ABCB11: variants seen among roughly 807,000 people sequenced by gnomAD.
ABCB11 encodes bile salt export pump.
A neutral mutation model predicts 148.0 loss-of-function variants in ABCB11; 95 were observed. The observed-to-expected ratio is 0.64, with a 90% CI of 0.54 to 0.76. ABCB11 has a LOEUF of 0.76. Ranked by LOEUF, ABCB11 falls within the 30% of genes least tolerant of loss-of-function variation. The probability of loss-of-function intolerance (pLI) is 0.00; values close to 1 mark genes in which losing one functional copy is unlikely to be tolerated. For missense variants in ABCB11, 1,523 were observed against 1,617.8 expected, an observed-to-expected ratio of 0.94 and a Z score of 1.01; for synonymous variants, 591 against 555.4, an observed-to-expected ratio of 1.06 and a Z score of -0.90.
At chr2:168,926,359 T>C (rs569829) in intron 26 of ABCB11, among the ~76,000 whole-genome samples, 116,556 of 152,166 alleles carry the variant, frequency 0.77, 45,955 homozygotes, top group East Asian at 0.98. Flanking sequence ...GTAATACCAG[T>C]GGCCGCTTTC....
chr2:168,954,571 G>A (rs942165132), intron 19 of ABCB11, among the ~76,000 whole-genome samples: 1 of 151,302 alleles, frequency 6.6e-6, no homozygotes, highest in African/African-American at 2.4e-5. Context: ...TGGCCTGTAA[G>A]GTTTCTGCTG....
intron 9 of ABCB11, among the ~76,000 whole-genome samples, chr2:168,986,587 G>A (rs561162940): frequency 6.6e-6 from 1 of 152,202 alleles, no homozygotes; most frequent in South Asian, 2.1e-4. Context: ...ATGAACAAGA[G>A]AGATCTAGTA....
At chr2:168,924,469 AT>A (rs559075246) in intron 27 of ABCB11, among the ~76,000 whole-genome samples, 187 bp downstream of exon 27, 25 of 152,090 alleles carry the variant, frequency 1.6e-4, no homozygotes, top group African/African-American at 2.4e-4. Flanking sequence ...AAGGTAAAAT[AT>A]TTTTTTTGAA....
chr2:169,021,502 C>T (rs1329829766), intron 1 of ABCB11, among the ~76,000 whole-genome samples: 1 of 152,060 alleles, frequency 6.6e-6, no homozygotes, highest in Non-Finnish European at 1.5e-5. Flanking sequence ...ACCCAGCAAC[C>T]TAACACAACA....
chr2:168,940,077 A>G (rs1222965735), intron 21 of ABCB11, among the ~76,000 whole-genome samples: 2 of 152,072 alleles, frequency 1.3e-5, no homozygotes, highest in Non-Finnish European at 2.9e-5. Flanking sequence ...AGACACAATA[A>G]TATTGAAATT....
intron 5 of ABCB11, among the ~76,000 whole-genome samples, chr2:168,999,117 A>G (rs1271473199): frequency 1.3e-5 from 2 of 152,070 alleles, no homozygotes; most frequent in African/African-American, 4.8e-5. Context: ...ACAGACCTGA[A>G]TCTACTTGAA....
intron 8 of ABCB11, 114 bp from the exon 9 acceptor site, chr2:168,991,039 A>C: frequency 1.4e-5 from 17 of 1,238,646 alleles, no homozygotes; most frequent in Non-Finnish European, 1.7e-5. Context: ...TTAGATTCTC[A>C]CTGTAACATC....
chr2:168,932,461 T>C lies in ABCB11; in HGVS notation c.3129A>G (p.Lys1043=), dbSNP rs773662901. The part of the protein sequence containing the change: ...RAFSYTPSYA[K]AKISAARFFQ... The stretch of plus-strand genomic sequence containing the variant: ...AAAAGCGTGCAGCTGATATTTTAGC[T>C]TTTGCATAACTTGGGGTGTAAGAGA... The change falls in exon 24 of 28, where the codon AAA becomes AAG. Residue 1043 remains lysine (K), a synonymous_variant. Transcript: ENST00000650372. The C allele has an allele frequency of 1.9e-6, 3 of 1,613,102 alleles. No individual in the cohort carries two copies. Among genetic ancestry groups the C allele is most frequent in the Non-Finnish European group, 2.5e-6 (3 of 1,179,556 alleles).
intron 21 of ABCB11, among the ~76,000 whole-genome samples, chr2:168,943,467 T>C (rs933343463): frequency 6.6e-6 from 1 of 151,988 alleles, no homozygotes; most frequent in Non-Finnish European, 1.5e-5. Context: ...CTTTAAGACA[T>C]GACAGTAGAT....
intron 5 of ABCB11, among the ~76,000 whole-genome samples, chr2:169,005,504 C>T (rs527288025): frequency 1.3e-5 from 2 of 152,202 alleles, no homozygotes; most frequent in South Asian, 2.1e-4. Context: ...AGGCCTTAAC[C>T]TGCTCCCACT....
At position 168,935,246 on chromosome 2, in the gene ABCB11, A is replaced by G. The variant is rs1216064951; in HGVS notation, c.2994T>C (p.Ala998=). 3 of 1,613,914 alleles carry G rather than the reference A, an allele frequency of 1.9e-6. No individual in the cohort carries two copies. In the African/African-American group the frequency reaches 4.0e-5, roughly 22 times the overall value. ...TTAAGTAACCTCCATATCTGTAGGAAGCAGAATTCGCAATAAACATGATGC... is the reference window on the plus strand; with the variant it reads ...TTAAGTAACCTCCATATCTGTAGGAGGCAGAATTCGCAATAAACATGATGC... The part of the protein sequence containing the change: ...AQCIMFIANS[A]SYRYGGYLIS... Residue 998 remains alanine (A), a synonymous_variant, in exon 23 of 28, where the codon GCT becomes GCC. Transcript: ENST00000650372.
At chr2:168,980,242 A>G (rs1386223055) in intron 10 of ABCB11, among the ~76,000 whole-genome samples, 1 of 152,202 alleles carries the variant, frequency 6.6e-6, no homozygotes, top group East Asian at 1.9e-4. Flanking sequence ...AACTGTCTTG[A>G]AATGAGTAAG....
intron 6 of ABCB11, 131 bp from the exon 7 acceptor site, chr2:168,995,613 T>C: frequency 1.0e-6 from 1 of 970,778 alleles, no homozygotes; most frequent in Non-Finnish European, 1.5e-6. Flanking sequence ...TGCCTCTTCT[T>C]GGGAACTAAG....
At chr2:168,959,197 G>C (rs996039770) in intron 18 of ABCB11, among the ~76,000 whole-genome samples, 5 of 151,716 alleles carry the variant, frequency 3.3e-5, no homozygotes, top group Non-Finnish European at 4.4e-5. Context: ...CAAATAAAAT[G>C]AGGGAAGGCA....
intron 18 of ABCB11, 122 bp downstream of exon 18, chr2:168,964,084 G>C: frequency 1.6e-6 from 1 of 633,096 alleles, no homozygotes; most frequent in African/African-American, 1.8e-5. Context: ...CTGTCTTTTA[G>C]TCTGACTTGA....
chr2:169,011,394 G>C (rs1695183477), intron 5 of ABCB11, among the ~76,000 whole-genome samples: 1 of 152,056 alleles, frequency 6.6e-6, no homozygotes, highest in Non-Finnish European at 1.5e-5. Context: ...ATAAATGAAG[G>C]ATTTCAAAGA....
Position 168,979,889 on chromosome 2 carries a change from T to C in ABCB11, c.1174A>G (p.Ser392Gly). The C allele has an allele frequency of 6.3e-7, 1 of 1,599,030 alleles. No homozygotes were observed. Among genetic ancestry groups the C allele is most frequent in the South Asian group, 1.1e-5 (1 of 90,812 alleles). ...AFATGRAAAT[S>G]IFETIDRKPI... ...ACCCTGTCTATTGTCTCAAAAATGC[T>C]GGTGGCTGCTGCACGTCCAGTTGCA... The change falls in exon 11 of 28, where the codon AGC (serine) becomes GGC (glycine). Residue 392 changes from serine to glycine, a missense_variant. Coordinates refer to ENST00000650372, the MANE Select transcript of ABCB11 (RefSeq NM_003742.4).
chr2:168,966,548 A>G (rs1041872008), intron 17 of ABCB11, among the ~76,000 whole-genome samples: 18 of 151,814 alleles, frequency 1.2e-4, no homozygotes, highest in African/African-American at 3.9e-4. Context: ...GCTGTGTACC[A>G]CTTCTCACTG....
rs755926742 is a variant in ABCB11 at position 169,013,526 on chromosome 2, G to A, written c.151-16C>T. Reference sequence around the variant, plus strand: ...AAAACCGAAACTTGAAAAACAAAGGGTTCAGAGATCATCTATGGGTGAAGA... The same window carrying A: ...AAAACCGAAACTTGAAAAACAAAGGATTCAGAGATCATCTATGGGTGAAGA... On this transcript the variant is annotated splice_polypyrimidine_tract_variant and intron_variant, in intron 4 of 27. Coordinates refer to ENST00000650372, the MANE Select transcript of ABCB11 (RefSeq NM_003742.4). 5.0e-5 allele frequency: 80 copies of A among 1,601,620 alleles called. No individual in the cohort carries two copies. The highest frequency in any genetic ancestry group is 6.8e-5 in the Non-Finnish European group (79 of 1,169,908).
Sources: allele counts gnomAD v4.1 joint callset (sites outside exome capture counted in the v4.1 genomes callset), GRCh38; gene constraint gnomAD v4.1.1; transcripts MANE v1.5; gene names NCBI Gene and HGNC (gene_info 2026-07-23, HGNC 2026-07-21).